NPHP4: variants seen among roughly 807,000 people sequenced by gnomAD.
The protein encoded by NPHP4 is nephrocystin-4.
NPHP4 carries 151 observed loss-of-function variants against 155.8 expected under a neutral mutation model. The ratio of observed to expected loss-of-function variants is 0.97; its 90% CI spans 0.85 to 1.11. The LOEUF (loss-of-function observed/expected upper bound fraction) is 1.11. Ranked by LOEUF, NPHP4 falls within the 50% of genes least tolerant of loss-of-function variation. The probability of loss-of-function intolerance (pLI) is 0.00; values close to 1 mark genes in which losing one functional copy is unlikely to be tolerated. For missense variants in NPHP4, 1,956 were observed against 1,925.7 expected, an observed-to-expected ratio of 1.02 and a Z score of -0.29; for synonymous variants, 845 against 816.8, an observed-to-expected ratio of 1.03 and a Z score of -0.59.
At chr1:5,935,139 C>T (rs1466994691) in intron 9 of NPHP4, among the ~76,000 whole-genome samples, 1 of 152,264 alleles carries the variant, frequency 6.6e-6, no homozygotes, top group African/African-American at 2.4e-5. Flanking sequence ...AAGTTAGCCT[C>T]TTCCAGACTG....
At chr1:5,893,774 T>C (rs1245975069) in intron 16 of NPHP4, among the ~76,000 whole-genome samples, 2 of 152,180 alleles carry the variant, frequency 1.3e-5, no homozygotes, top group East Asian at 1.9e-4. Context: ...GCGGGTGTTG[T>C]TCCTTGACAC....
In NPHP4 at chr1:5,944,758, T is replaced by C. The variant is rs895537842; in HGVS notation, c.1119+2346A>G. Among the ~76,000 whole-genome samples, 1 of 152,088 alleles carries C rather than the reference T, an allele frequency of 6.6e-6. No individual in the cohort carries two copies. Among genetic ancestry groups the C allele is most frequent in the African/African-American group, 2.4e-5 (1 of 41,390 alleles). On this transcript the variant is annotated intron_variant, in intron 9 of 29. Coordinates refer to ENST00000378156, the MANE Select transcript of NPHP4 (RefSeq NM_015102.5). The surrounding 1 kb of genome is among the most constrained non-coding windows in gnomAD (Gnocchi z 4.3). ...GCCAAGGAGGGCAGATCACTTGAGG[T>C]CAGAAGTCTGAGACCTGCCTGGCCA... is the stretch of plus-strand genomic sequence containing the variant.
rs974196549 is a variant in NPHP4 at position 5,877,237 on chromosome 1, T to C, written c.2673A>G (p.Leu891=). The part of the protein sequence containing the change: ...ADVDSELAAM[L]LTHARQGKGP... ...CCTTGCCCTGCCGGGCATGGGTCAGTAGCATGGCAGCCAGCTCACTGTCCA... is the reference window on the plus strand; with the variant it reads ...CCTTGCCCTGCCGGGCATGGGTCAGCAGCATGGCAGCCAGCTCACTGTCCA... The change falls in exon 20 of 30, where the codon CTA becomes CTG. Residue 891 remains leucine (L), a synonymous_variant. Coordinates refer to ENST00000378156, the MANE Select transcript of NPHP4 (RefSeq NM_015102.5). 2.5e-6 allele frequency: 4 copies of C among 1,608,836 alleles called. No homozygotes were observed. In the African/African-American group the frequency reaches 4.0e-5, roughly 16 times the overall value.
chr1:5,975,664 C>A (rs1424206507), intron 3 of NPHP4, among the ~76,000 whole-genome samples: 1 of 152,224 alleles, frequency 6.6e-6, no homozygotes, highest in Non-Finnish European at 1.5e-5. Flanking sequence ...GTATTCCAGA[C>A]TCCGAAAAGC....
chr1:5,942,190 G>A (rs1000802924), intron 9 of NPHP4, among the ~76,000 whole-genome samples: 6 of 152,116 alleles, frequency 3.9e-5, no homozygotes, highest in Non-Finnish European at 7.3e-5. Flanking sequence ...CAACTATGAG[G>A]AAGCATCAGA....
At chr1:5,895,376 T>C (rs1644344573) in intron 16 of NPHP4, among the ~76,000 whole-genome samples, 1 of 151,936 alleles carries the variant, frequency 6.6e-6, no homozygotes, top group South Asian at 2.1e-4. Flanking sequence ...GGCAGGTGCC[T>C]GTAGTCCCAG....
In NPHP4 at chr1:5,864,449, G is replaced by A. The variant is rs548608151; in HGVS notation, c.3885C>T (p.Pro1295=). The A allele has an allele frequency of 1.2e-6, 2 of 1,606,414 alleles. No homozygotes were observed. The highest frequency in any genetic ancestry group is 2.7e-5 in the African/African-American group (2 of 74,810). Residue 1295 remains proline, a synonymous_variant, in exon 28 of 30, where the codon CCC becomes CCT. Transcript: ENST00000378156. ...GGACAAAGCGGCTGCCGGCCCTAAGGGGCCTCACGCCAACATGCAGGTCCT... is the reference window on the plus strand; with the variant it reads ...GGACAAAGCGGCTGCCGGCCCTAAGAGGCCTCACGCCAACATGCAGGTCCT... ...GVQDLHVGVR[P]LRAGSRFVHL... is the part of the protein sequence containing the mutation.
At chr1:5,963,859 T>C (rs1650841411) in intron 5 of NPHP4, among the ~76,000 whole-genome samples, 1 of 152,094 alleles carries the variant, frequency 6.6e-6, no homozygotes, top group Admixed American at 6.6e-5. Context: ...GGCTAATTTT[T>C]GTGTTTTTAG....
At chr1:5,961,445 A>G (rs1650296638) in intron 6 of NPHP4, among the ~76,000 whole-genome samples, 1 of 152,238 alleles carries the variant, frequency 6.6e-6, no homozygotes, top group South Asian at 2.1e-4. Context: ...AATCATCATC[A>G]TGATCATCAG....
intron 5 of NPHP4, among the ~76,000 whole-genome samples, chr1:5,965,274 C>T (rs1174689140): frequency 1.3e-5 from 2 of 151,930 alleles, no homozygotes; most frequent in Non-Finnish European, 1.5e-5. Flanking sequence ...GAGTGTATTG[C>T]CATTACCAGC....
intron 3 of NPHP4, among the ~76,000 whole-genome samples, chr1:5,969,704 C>T (rs184363068): frequency 3.9e-4 from 59 of 152,326 alleles, no homozygotes; most frequent in Admixed American, 2.0e-3. Context: ...AAGACACGCA[C>T]GTGCTGATCA....
intron 9 of NPHP4, 55 bp downstream of exon 9, chr1:5,947,049 C>T (rs566466569): frequency 9.4e-6 from 15 of 1,604,266 alleles, no homozygotes; most frequent in Admixed American, 8.3e-5. Flanking sequence ...TACATTTATC[C>T]TCACACACAG....
chr1:5,967,723 C>G (rs1001224814), intron 4 of NPHP4, among the ~76,000 whole-genome samples: 15 of 152,284 alleles, frequency 9.9e-5, no homozygotes, highest in Non-Finnish European at 1.9e-4. Context: ...ATTCTGCTCC[C>G]TAAGGCACAT....
chr1:5,887,822 C>T (rs1372945229), intron 17 of NPHP4, among the ~76,000 whole-genome samples: 1 of 152,194 alleles, frequency 6.6e-6, no homozygotes, highest in Non-Finnish European at 1.5e-5. Context: ...AAGAGGGCAG[C>T]CAAGCAACGC....
At chr1:5,918,607 A>G (rs1381484020) in intron 11 of NPHP4, among the ~76,000 whole-genome samples, 1 of 152,226 alleles carries the variant, frequency 6.6e-6, no homozygotes, top group Non-Finnish European at 1.5e-5. Flanking sequence ...AATGAAATAT[A>G]CAAACCTCTC....
chr1:5,986,403 C>T (rs1655498303), intron 1 of NPHP4, 76 bp from the exon 2 acceptor site: 1 of 1,212,164 alleles, frequency 8.2e-7, no homozygotes, highest in Non-Finnish European at 1.1e-6. Flanking sequence ...AGGCTTCTGC[C>T]TCCCACTAAA....
chr1:5,914,846 C>G (rs1341789950), intron 11 of NPHP4, among the ~76,000 whole-genome samples: 1 of 152,116 alleles, frequency 6.6e-6, no homozygotes, highest in Non-Finnish European at 1.5e-5. Flanking sequence ...GAAATGTGAA[C>G]GGGGTCGTGA....
intron 23 of NPHP4, among the ~76,000 whole-genome samples, chr1:5,869,793 T>G (rs955959448): frequency 6.6e-6 from 1 of 152,188 alleles, no homozygotes; most frequent in South Asian, 2.1e-4. Flanking sequence ...CAGAGGAAAT[T>G]AGGCAAATAA....
chr1:5,900,436 T>TG (rs1258725008), intron 16 of NPHP4, among the ~76,000 whole-genome samples: 19 of 152,200 alleles, frequency 1.2e-4, no homozygotes, highest in South Asian at 8.3e-4. Context: ...TGCACAGTGC[T>TG]GGGGGGAAGA....
Sources: allele counts gnomAD v4.1 joint callset (sites outside exome capture counted in the v4.1 genomes callset), GRCh38; gene constraint gnomAD v4.1.1; non-coding constraint Gnocchi (gnomAD v3.1); transcripts MANE v1.5; gene names NCBI Gene and HGNC (gene_info 2026-07-23, HGNC 2026-07-21).